PCDHGA4: variants seen among roughly 807,000 people sequenced by gnomAD.
PCDHGA4 encodes the protein protocadherin gamma-A4.
A neutral mutation model predicts 54.6 loss-of-function variants in PCDHGA4; 38 were observed. The observed-to-expected ratio is 0.70, with a 90% confidence interval of 0.54 to 0.91. PCDHGA4 has a LOEUF of 0.91. PCDHGA4 is among the 40% of genes least tolerant of loss of function. The pLI is 0.00. For missense variants in PCDHGA4, 1,298 were observed against 1,220.9 expected, an observed-to-expected ratio of 1.06 and a Z score of -0.94; for synonymous variants, 511 against 512.9, an observed-to-expected ratio of 1.00 and a Z score of 0.05.
At chr5:141,502,512 T>C (rs1029375922) in intron 2 of PCDHGA4, among the ~76,000 whole-genome samples, 2 of 152,212 alleles carry the variant, frequency 1.3e-5, no homozygotes, top group East Asian at 1.9e-4. Context: ...CCTGTCCCAC[T>C]ATCAGTGATG....
chr5:141,385,223 A>C (rs766051345), intron 1 of PCDHGA4: 6 of 1,614,184 alleles, frequency 3.7e-6, no homozygotes. Flanking sequence ...CAGCCCAACT[A>C]TGTAGACATG....
intron 1 of PCDHGA4, chr5:141,405,449 T>A: frequency 6.2e-6 from 8 of 1,283,878 alleles, no homozygotes; most frequent in South Asian, 1.4e-5. Context: ...AGACAGAGTC[T>A]TACTCTGTTA....
intron 1 of PCDHGA4, chr5:141,399,489 A>G (rs764497801): frequency 2.5e-6 from 4 of 1,614,008 alleles, no homozygotes; most frequent in South Asian, 1.1e-5. Context: ...CGTCCTACTT[A>G]GTCAGTGTAC....
intron 1 of PCDHGA4, chr5:141,371,091 G>A (rs1414973980): frequency 8.7e-6 from 14 of 1,613,670 alleles, no homozygotes; most frequent in Non-Finnish European, 1.1e-5. Context: ...GGTAATTGTC[G>A]CAGATGCAAA....
At chr5:141,438,635 T>TATAC (rs1460604450) in intron 1 of PCDHGA4, among the ~76,000 whole-genome samples, 1 of 33,416 alleles carries the variant, frequency 3.0e-5, no homozygotes, top group Admixed American at 4.2e-4. Context: ...TATATATATA[T>TATAC]ACACACACAC....
intron 1 of PCDHGA4, chr5:141,388,705 A>G: frequency 6.2e-7 from 1 of 1,613,994 alleles, no homozygotes; most frequent in African/African-American, 1.3e-5. Flanking sequence ...GAGGGTGTCA[A>G]TGCCGAGATT....
intron 1 of PCDHGA4, chr5:141,409,960 C>G: frequency 6.2e-7 from 1 of 1,613,416 alleles, no homozygotes; most frequent in Non-Finnish European, 8.5e-7. Flanking sequence ...AGCCCGGCTA[C>G]CTAGTGACTA....
chr5:141,410,435 G>A (rs772158163), intron 1 of PCDHGA4: 1 of 1,614,054 alleles, frequency 6.2e-7, no homozygotes, highest in Non-Finnish European at 8.5e-7. Context: ...CAACTACAGT[G>A]AGGGGACTTT....
intron 1 of PCDHGA4, chr5:141,433,025 G>A: frequency 6.2e-7 from 1 of 1,614,144 alleles, no homozygotes; most frequent in Non-Finnish European, 8.5e-7. Context: ...CTATTCCCAC[G>A]AGGTTTCCCT....
chr5:141,400,181 A>C, intron 1 of PCDHGA4: 3 of 1,614,034 alleles, frequency 1.9e-6, no homozygotes, highest in Non-Finnish European at 2.5e-6. Context: ...GCTGAGCTGC[A>C]GTTTTACCTA....
rs200109132 is a variant in PCDHGA4 at position 141,365,789 on chromosome 5, G to T, written c.2514+8168G>T. The T allele has an allele frequency of 1.4e-3, 2,225 of 1,613,896 alleles. 4 individuals carry two copies. Among genetic ancestry groups the T allele is most frequent in the Non-Finnish European group, 1.6e-3 (1,930 of 1,179,890 alleles). On this transcript the variant is annotated intron_variant, in intron 1 of 3. Transcript: ENST00000571252. ...CCCCGACAGCGGCGACAACGCTCGA[G>T]TCACCTACTCCCTGGCTGAAGACAC...
chr5:141,440,905 C>A (rs986711694), intron 1 of PCDHGA4: 1 of 152,184 alleles, frequency 6.6e-6, no homozygotes, highest in East Asian at 1.9e-4. Context: ...TGCATCCGGG[C>A]ACTCCTGTGC....
intron 1 of PCDHGA4, chr5:141,412,854 A>T (rs1356959630): frequency 4.5e-6 from 1 of 223,412 alleles, no homozygotes; most frequent in African/African-American, 2.3e-5. Context: ...GAGAAACCAA[A>T]GAATCTATGT....
In PCDHGA4 at chr5:141,448,944, C is replaced by CAAAA. The variant is rs560691811; in HGVS notation, c.2515-45859_2515-45856dup. Among the ~76,000 whole-genome samples, 218 of 152,004 alleles carry CAAAA rather than the reference C, an allele frequency of 1.4e-3. 1 individual carries two copies. The highest frequency in any genetic ancestry group is 5.1e-3 in the African/African-American group (213 of 41,464). On this transcript the variant is annotated intron_variant, in intron 1 of 3. Coordinates refer to ENST00000571252, the MANE Select transcript of PCDHGA4 (RefSeq NM_018917.4). ...TGGGCGACAGAGCAAGACTGCAACTCAAAAAAACAAACAAACAAACAAAAA... is the reference window on the plus strand; with the variant it reads ...TGGGCGACAGAGCAAGACTGCAACTCAAAAAAAAAAACAAACAAACAAACAAAAA...
At chr5:141,415,041 G>C in intron 1 of PCDHGA4, 2 of 1,613,530 alleles carry the variant, frequency 1.2e-6, no homozygotes, top group Non-Finnish European at 1.7e-6. Context: ...GACTCTTCGC[G>C]GTGGGGGAGC....
intron 1 of PCDHGA4, chr5:141,394,756 A>T (rs757241753): frequency 1.2e-6 from 2 of 1,613,324 alleles, no homozygotes; most frequent in Non-Finnish European, 1.7e-6. Flanking sequence ...GCCGTCCAGG[A>T]CCATGGCCAG....
At position 141,485,682 on chromosome 5, in the gene PCDHGA4, A is replaced by T. The variant is rs779441999; in HGVS notation, c.2515-9125A>T. 6.2e-7 allele frequency: 1 copy of T among 1,613,958 alleles called. No individual in the cohort carries two copies. Among genetic ancestry groups the T allele is most frequent in the Non-Finnish European group, 8.5e-7 (1 of 1,179,972 alleles). On this transcript the variant is annotated intron_variant, in intron 1 of 3. Transcript: ENST00000571252. This position sits in a 1 kb window ranked among gnomAD's most constrained non-coding sequence, Gnocchi z 5.7. ...GTGGGGAGCAATTCGATTAGCAGCT[A>T]TAGGCTGAGCTCCAATGAACACTTT...
intron 1 of PCDHGA4, among the ~76,000 whole-genome samples, chr5:141,445,668 G>C (rs899062385): frequency 6.6e-6 from 1 of 152,156 alleles, no homozygotes; most frequent in Non-Finnish European, 1.5e-5. Flanking sequence ...ATGAGTAGAA[G>C]TTATCTAGGT....
At chr5:141,373,472 A>G (rs1012142467) in intron 1 of PCDHGA4, among the ~76,000 whole-genome samples, 1 of 152,230 alleles carries the variant, frequency 6.6e-6, no homozygotes, top group African/African-American at 2.4e-5. Context: ...GCAATGAGCT[A>G]TAATTGTGCC....
Sources: allele counts gnomAD v4.1 joint callset (sites outside exome capture counted in the v4.1 genomes callset), GRCh38; gene constraint gnomAD v4.1.1; non-coding constraint Gnocchi (gnomAD v3.1); transcripts MANE v1.5; gene names NCBI Gene and HGNC (gene_info 2026-07-23, HGNC 2026-07-21).